Variants in CACHD1 observed in about 807,000 individuals in gnomAD.
CACHD1 encodes VWFA and cache domain-containing protein 1.
CACHD1 carries 71 observed loss-of-function variants against 138.7 expected under a neutral mutation model. The ratio of observed to expected loss-of-function variants is 0.51; its 90% CI spans 0.42 to 0.62. CACHD1 has a LOEUF of 0.62. Ranked by LOEUF, CACHD1 falls within the 20% of genes least tolerant of loss-of-function variation. The pLI is 0.00. For missense variants in CACHD1, 1,389 were observed against 1,625.3 expected (o/e 0.85, Z 2.50); for synonymous variants, 578 against 591.5 (o/e 0.98, Z 0.33).
Position 64,681,541 on chromosome 1 carries a change from G to GTTTTTTTTTTT in CACHD1, c.3484+219_3484+229dup, listed in dbSNP as rs57993424. 7.5e-3 allele frequency among the ~76,000 whole-genome samples: 506 copies of GTTTTTTTTTTT among 67,910 alleles called. 14 individuals carry two copies. Among genetic ancestry groups the GTTTTTTTTTTT allele is most frequent in the African/African-American group, 0.01 (141 of 13,594 alleles). 44.6% of individuals were successfully genotyped at this position (67,910 alleles called of 152,430 possible). ...AGAGAATCTCAAAAGATTTTATTGT[G>GTTTTTTTTTTT]TTTTTTTTTTTTTTTTTTTTTTTGC... On this transcript the variant is annotated intron_variant, in intron 25 of 26. Coordinates refer to ENST00000651257, the MANE Select transcript of CACHD1 (RefSeq NM_020925.4).
chr1:64,661,008 T>C (rs887253429), intron 13 of CACHD1, among the ~76,000 whole-genome samples: 3 of 152,062 alleles, frequency 2.0e-5, no homozygotes, highest in African/African-American at 7.2e-5. Context: ...CACTGGGAGG[T>C]CTTGGCACCC....
Position 64,663,788 on chromosome 1 carries a change from C to T in CACHD1, c.2045C>T (p.Thr682Ile). ...ACAAAGCGCATGGTAGAGCACTACA[C>T]CGCCTATCTCAGCGACAACACCCGC... ...PETKRMVEHY[T>I]AYLSDNTRLI... Residue 682 changes from threonine (T) to isoleucine (I), a missense_variant, in exon 14 of 27, where the codon ACC becomes ATC. Around this residue, in one of 5 missense-constraint regions of CACHD1, gnomAD observed 1,000 missense variants for 1,114.7 expected, o/e 0.90. Transcript: ENST00000651257. The T allele has an allele frequency of 6.2e-7, 1 of 1,614,144 alleles. No individual in the cohort carries two copies. The highest frequency in any genetic ancestry group is 8.5e-7 in the Non-Finnish European group (1 of 1,180,010).
At chr1:64,570,485 A>G (rs571688849) in intron 2 of CACHD1, among the ~76,000 whole-genome samples, 2 of 152,272 alleles carry the variant, frequency 1.3e-5, no homozygotes, top group East Asian at 1.9e-4. Context: ...GCTGACATGC[A>G]TGTCAGGCCT....
At chr1:64,688,527 G>T (rs1196402520) in intron 26 of CACHD1, among the ~76,000 whole-genome samples, 1 of 152,036 alleles carries the variant, frequency 6.6e-6, no homozygotes, top group Non-Finnish European at 1.5e-5. Context: ...ACCAAATCCA[G>T]CCTACTGTGC....
rs184869943 is a variant in CACHD1 at position 64,558,060 on chromosome 1, G to A, written c.261+7404G>A. Among the ~76,000 whole-genome samples the A allele has an allele frequency of 1.5e-3, 235 of 152,172 alleles. 1 individual carries two copies. Among genetic ancestry groups the A allele is most frequent in the East Asian group, 0.013 (65 of 5,168 alleles). ...GATCCACCCACCTCGGCCTCCCAAA[G>A]TGCTGGGATTACAGGCATGAGCCAC... On this transcript the variant is annotated intron_variant, in intron 2 of 26. Transcript: ENST00000651257.
intron 6 of CACHD1, among the ~76,000 whole-genome samples, chr1:64,633,130 A>G (rs1570435198): frequency 6.6e-6 from 1 of 152,218 alleles, no homozygotes; most frequent in Non-Finnish European, 1.5e-5. Context: ...GTCCAGCACC[A>G]TGAGAAAGTA....
chr1:64,662,154 A>C (rs1160348494), intron 13 of CACHD1, among the ~76,000 whole-genome samples: 2 of 152,232 alleles, frequency 1.3e-5, no homozygotes, highest in Non-Finnish European at 2.9e-5. Flanking sequence ...TCCAGGGTCC[A>C]CAAAAGGTGA....
intron 26 of CACHD1, among the ~76,000 whole-genome samples, chr1:64,690,211 G>T (rs1650503363): frequency 6.6e-6 from 1 of 152,166 alleles, no homozygotes; most frequent in Non-Finnish European, 1.5e-5. Context: ...TGTTAAGTTG[G>T]ACTGACAGCT....
chr1:64,609,947 C>G (rs1249436615), intron 4 of CACHD1, among the ~76,000 whole-genome samples: 1 of 152,124 alleles, frequency 6.6e-6, no homozygotes, highest in Non-Finnish European at 1.5e-5. Context: ...ACTCACAGTT[C>G]AGCATGGCTG....
chr1:64,488,073 T>C (rs1338196596), intron 1 of CACHD1, among the ~76,000 whole-genome samples: 1 of 152,228 alleles, frequency 6.6e-6, no homozygotes, highest in Admixed American at 6.5e-5. Context: ...TCTATGATGA[T>C]ACTGAGAAAA....
chr1:64,472,668 C>T (rs1000274005), intron 1 of CACHD1, among the ~76,000 whole-genome samples: 2 of 152,038 alleles, frequency 1.3e-5, no homozygotes, highest in African/African-American at 4.8e-5. Flanking sequence ...AGATAGAAAA[C>T]TAGGATTAAA....
chr1:64,526,626 T>C (rs1329092441), intron 1 of CACHD1, among the ~76,000 whole-genome samples: 1 of 152,218 alleles, frequency 6.6e-6, no homozygotes, highest in African/African-American at 2.4e-5. Flanking sequence ...AGTTAAAATT[T>C]CAAAATTGAT....
At chr1:64,574,273 C>A (rs1646949664) in intron 2 of CACHD1, among the ~76,000 whole-genome samples, 1 of 152,168 alleles carries the variant, frequency 6.6e-6, no homozygotes, top group Admixed American at 6.5e-5. Context: ...AAAACTGGGA[C>A]AGAGAGAATA....
chr1:64,659,930 G>C (rs1429499810), intron 13 of CACHD1, among the ~76,000 whole-genome samples: 1 of 152,150 alleles, frequency 6.6e-6, no homozygotes, highest in Non-Finnish European at 1.5e-5. Flanking sequence ...CCATCCTCGA[G>C]AGTTCTGCCT....
At chr1:64,549,460 A>G (rs538888444) in intron 1 of CACHD1, among the ~76,000 whole-genome samples, 1 of 152,260 alleles carries the variant, frequency 6.6e-6, no homozygotes, top group African/African-American at 2.4e-5. Flanking sequence ...ATTTCATCCT[A>G]GTCCTTCTCA....
intron 1 of CACHD1, among the ~76,000 whole-genome samples, chr1:64,521,795 T>G (rs1263479858): frequency 6.6e-6 from 1 of 152,228 alleles, no homozygotes; most frequent in Non-Finnish European, 1.5e-5. Flanking sequence ...AAAATGTCTA[T>G]TCAGATTCTT....
intron 1 of CACHD1, among the ~76,000 whole-genome samples, chr1:64,539,008 T>C (rs1345271296): frequency 6.6e-6 from 1 of 152,212 alleles, no homozygotes; most frequent in Non-Finnish European, 1.5e-5. Flanking sequence ...TGAATAAAAC[T>C]GCCCCTCACA....
At chr1:64,643,101 C>A (rs1557535624) in intron 8 of CACHD1, among the ~76,000 whole-genome samples, 1 of 142,482 alleles carries the variant, frequency 7.0e-6, no homozygotes, top group Non-Finnish European at 1.5e-5. Flanking sequence ...GTCTTTCCCA[C>A]CTACTATCTT....
intron 1 of CACHD1, among the ~76,000 whole-genome samples, chr1:64,502,292 T>C (rs956276508): frequency 6.6e-6 from 1 of 152,202 alleles, no homozygotes; most frequent in African/African-American, 2.4e-5. Context: ...ATTTGTTGTA[T>C]TGCTTCCACA....
Sources: gnomAD v4.1 joint callset for allele counts (sites outside exome capture counted in the v4.1 genomes callset) on GRCh38, gnomAD v4.1.1 for gene constraint, gnomAD v4.1.1 regional missense constraint, MANE v1.5 for transcripts, NCBI Gene and HGNC (gene_info 2026-07-23, HGNC 2026-07-21) for gene names.